Variants in PHF20 observed in about 807,000 individuals in gnomAD.
The protein encoded by PHF20 is glioma-expressed antigen 2.
A neutral mutation model predicts 113.5 loss-of-function variants in PHF20; 23 were observed. The observed-to-expected ratio is 0.20, with a 90% CI of 0.15 to 0.29. The LOEUF is 0.29. Ranked by LOEUF, PHF20 falls within the 10% of genes least tolerant of loss-of-function variation. The pLI is 1.00. For missense variants in PHF20, 943 were observed against 1,219.6 expected, an observed-to-expected ratio of 0.77 and a Z score of 3.38; for synonymous variants, 434 against 457.3, an observed-to-expected ratio of 0.95 and a Z score of 0.65.
intron 7 of PHF20, 58 bp downstream of exon 7, chr20:35,869,609 C>T: frequency 1.1e-6 from 1 of 888,486 alleles, no homozygotes; most frequent in East Asian, 2.4e-5. Context: ...GGTCAACTTC[C>T]TCTATATTCA....
chr20:35,823,403 C>T (rs2042205270), intron 2 of PHF20, among the ~76,000 whole-genome samples: 1 of 122,614 alleles, frequency 8.2e-6, no homozygotes. Context: ...GAGTTCAAGA[C>T]AAGCCTAAGC....
Position 35,878,409 on chromosome 20 carries a change from G to A in PHF20, c.1282+6580G>A, listed in dbSNP as rs972918188. 4.5e-5 allele frequency: 20 copies of A among 445,382 alleles called. No homozygotes were observed. The East Asian group carries it at 4.6e-4, about 10-fold the overall frequency. The allele number at this position is 445,382 out of a possible 1,614,324, so 27.6% of individuals were successfully genotyped here. A position where few individuals can be genotyped will look rare whatever the true frequency, so the allele number is the denominator to read the frequency against. On this transcript the variant is annotated intron_variant, in intron 9 of 17. Transcript: ENST00000374012. ...TAGAAATGGACCTCTTCAGGTTGGC[G>A]TGTGCGAGATTTTCTTGCTCTAGGG... is the stretch of plus-strand genomic sequence containing the variant.
In PHF20 at chr20:35,870,303, CAAAAAAAAA is replaced by C. The variant is rs1174014648; in HGVS notation, c.923-632_923-624del. Among the ~76,000 whole-genome samples, 9 of 53,220 alleles carry C rather than the reference CAAAAAAAAA, an allele frequency of 1.7e-4. No homozygotes were observed. The East Asian group carries it at 2.1e-3, about 13-fold the overall frequency. 34.9% of individuals were successfully genotyped at this position (53,220 alleles called of 152,430 possible). On this transcript the variant is annotated intron_variant, in intron 7 of 17. Transcript: ENST00000374012. ...TGGGCGAGAGAGCGAGACTCCGTCT[CAAAAAAAAA>C]AAAAAAAAAAAAAAAAAAATTAGCC...
Position 35,772,074 on chromosome 20 carries a change from C to T in PHF20, c.-38C>T, listed in dbSNP as rs537629342. Reference sequence around the variant, plus strand: ...TGGAGCGGCGCAGCCGGAGTGGGGCCGTGAGGTGAGCTCGCGGCCAGGCGA... The same window carrying T: ...TGGAGCGGCGCAGCCGGAGTGGGGCTGTGAGGTGAGCTCGCGGCCAGGCGA... On this transcript the variant is annotated 5_prime_UTR_variant, in exon 1 of 18. Coordinates refer to ENST00000374012, the MANE Select transcript of PHF20 (RefSeq NM_016436.5). 2.0e-5 allele frequency: 3 copies of T among 151,254 alleles called. No homozygotes were observed. The highest frequency in any genetic ancestry group is 4.8e-5 in the African/African-American group (2 of 41,244). The allele number at this position is 151,254 out of a possible 1,614,324, so 9.4% of individuals were successfully genotyped here.
At chr20:35,871,876 C>T in intron 9 of PHF20, 47 bp downstream of exon 9, 13 of 1,384,014 alleles carry the variant, frequency 9.4e-6, no homozygotes, top group South Asian at 3.0e-5. Flanking sequence ...TACACTTTTG[C>T]TTATGCTTTG....
intron 1 of PHF20, among the ~76,000 whole-genome samples, chr20:35,794,442 C>G (rs375096431): frequency 1.3e-5 from 2 of 152,298 alleles, no homozygotes; most frequent in African/African-American, 2.4e-5. Context: ...ACAGCAGGCT[C>G]TCAATGAATA....
chr20:35,877,279 CAAAA>C (rs1246687018), intron 9 of PHF20, among the ~76,000 whole-genome samples: 1 of 12,972 alleles, frequency 7.7e-5, no homozygotes, highest in African/African-American at 2.4e-4. Flanking sequence ...GACTCCATCT[CAAAA>C]AAAAAAAAAA....
At chr20:35,826,198 C>T (rs1225144514) in intron 2 of PHF20, among the ~76,000 whole-genome samples, 1 of 152,266 alleles carries the variant, frequency 6.6e-6, no homozygotes, top group African/African-American at 2.4e-5. Flanking sequence ...TGCCCGCCAC[C>T]ACACTCGACT....
chr20:35,883,446 A>G (rs2054670318), intron 9 of PHF20, among the ~76,000 whole-genome samples: 1 of 152,084 alleles, frequency 6.6e-6, no homozygotes, highest in African/African-American at 2.4e-5. Context: ...AATTAAATTA[A>G]ATTTTTGTTT....
chr20:35,927,709 C>A, intron 13 of PHF20, 71 bp from the exon 14 acceptor site: 2 of 1,137,732 alleles, frequency 1.8e-6, no homozygotes, highest in Non-Finnish European at 2.7e-6. Flanking sequence ...CTCCCCTCAG[C>A]AGGTGGGTCT....
intron 9 of PHF20, among the ~76,000 whole-genome samples, chr20:35,898,623 T>C (rs1355736513): frequency 6.6e-6 from 1 of 151,912 alleles, no homozygotes; most frequent in Admixed American, 6.6e-5. Context: ...GTTTGTTTTT[T>C]GTTTGAGTCA....
intron 10 of PHF20, among the ~76,000 whole-genome samples, chr20:35,904,877 G>A (rs192383512): frequency 5.1e-4 from 77 of 150,880 alleles, no homozygotes; most frequent in Non-Finnish European, 9.6e-4. Context: ...CCAGGCTGGA[G>A]TGCAATAGTG....
chr20:35,890,456 C>T (rs1156384323), intron 9 of PHF20, among the ~76,000 whole-genome samples: 1 of 152,206 alleles, frequency 6.6e-6, no homozygotes, highest in Non-Finnish European at 1.5e-5. Context: ...TAGAATTTTG[C>T]AGATTGTACC....
Position 35,863,197 on chromosome 20 carries a change from G to C in PHF20, c.605G>C (p.Cys202Ser), listed in dbSNP as rs1324156172. The C allele has an allele frequency of 6.2e-7, 1 of 1,613,930 alleles. No individual in the cohort carries two copies. Among genetic ancestry groups the C allele is most frequent in the Admixed American group, 1.7e-5 (1 of 59,952 alleles). ...KQPDKEGKLI[C>S]SEKGKVSEKS... ...CCTGATAAAGAAGGAAAGTTAATCT[G>C]TTCTGAAAAGGGGAAAGTGTCAGAG... Residue 202 changes from cysteine to serine, a missense_variant, in exon 6 of 18, where the codon TGT becomes TCT. Cys to Ser is a moderately radical substitution (Grantham distance 112). Coordinates refer to ENST00000374012, the MANE Select transcript of PHF20 (RefSeq NM_016436.5).
chr20:35,903,081 T>C (rs1392128655), intron 10 of PHF20, among the ~76,000 whole-genome samples: 19 of 143,582 alleles, frequency 1.3e-4, no homozygotes, highest in Admixed American at 3.4e-4. Flanking sequence ...TCCTTTCTTT[T>C]TTTTTTTTTT....
intron 10 of PHF20, among the ~76,000 whole-genome samples, chr20:35,905,556 G>T (rs183648596): frequency 6.6e-6 from 1 of 152,204 alleles, no homozygotes; most frequent in East Asian, 1.9e-4. Context: ...GGGAAGAGGG[G>T]CCTCACTGGG....
intron 2 of PHF20, among the ~76,000 whole-genome samples, chr20:35,811,983 C>T (rs1410925481): frequency 6.6e-6 from 1 of 150,450 alleles, no homozygotes; most frequent in East Asian, 2.0e-4. Context: ...CCGTGTTAGC[C>T]AGGATGGTCT....
intron 2 of PHF20, among the ~76,000 whole-genome samples, chr20:35,810,955 T>A (rs2041966197): frequency 2.0e-5 from 3 of 152,152 alleles, no homozygotes; most frequent in Admixed American, 2.0e-4. Flanking sequence ...GGTACAACCA[T>A]ATTTTTTGTG....
intron 2 of PHF20, among the ~76,000 whole-genome samples, chr20:35,830,066 G>A (rs113310630): frequency 3.0e-4 from 46 of 152,094 alleles, no homozygotes; most frequent in Non-Finnish European, 6.0e-4. Context: ...GGCGCATGCC[G>A]CCATGCCTGG....
Sources: allele counts gnomAD v4.1 joint callset (sites outside exome capture counted in the v4.1 genomes callset), GRCh38; gene constraint gnomAD v4.1.1; transcripts MANE v1.5; gene names NCBI Gene and HGNC (gene_info 2026-07-23, HGNC 2026-07-21).